Variants in ACSF3 observed in about 807,000 individuals in gnomAD.
ACSF3 encodes the protein acyl-CoA synthetase family member 3.
Under a neutral mutation model 53.2 loss-of-function variants are expected in ACSF3, and 78 were observed. The observed-to-expected ratio is 1.47, with a 90% CI of 1.22 to 1.77. The LOEUF is 1.77. Among genes scored for constraint, ACSF3 ranks in the 40% most tolerant of loss-of-function variants. The probability of loss-of-function intolerance (pLI) is 0.00; values close to 1 mark genes in which losing one functional copy is unlikely to be tolerated. For synonymous variants in ACSF3, 414 were observed against 333.1 expected (o/e 1.24, Z -2.65); for missense variants, 937 against 771.1 (o/e 1.22, Z -2.55).
chr16:89,141,386 C>A, intron 8 of ACSF3: 2 of 1,150,634 alleles, frequency 1.7e-6, no homozygotes, highest in Non-Finnish European at 2.3e-6. Context: ...TTCCAAGGGG[C>A]AAGCTCAGGG....
rs1186451258 is a variant in ACSF3 at position 89,100,781 on chromosome 16, A to G, written c.100A>G (p.Thr34Ala). The change falls in exon 3 of 11, where the codon ACA becomes GCA. Residue 34 changes from threonine (T) to alanine (A), a missense_variant. Thr to Ala is a moderately conservative substitution (Grantham distance 58, BLOSUM62 0). Coordinates refer to ENST00000614302, the MANE Select transcript of ACSF3 (RefSeq NM_001243279.3). ...ARHRGSGLLH[T>A]APVARSDRSA... is the part of the protein sequence containing the mutation. ...ACACAGAGGAAGTGGTCTTCTGCAC[A>G]CAGCCCCAGTGGCCCGCTCGGACAG... is the stretch of plus-strand genomic sequence containing the variant. 5.6e-6 allele frequency: 9 copies of G among 1,611,008 alleles called. No homozygotes were observed. The African/African-American group carries it at 9.3e-5, about 17-fold the overall frequency.
chr16:89,137,790 C>G (rs1306588389), intron 8 of ACSF3, among the ~76,000 whole-genome samples: 4 of 152,176 alleles, frequency 2.6e-5, no homozygotes, highest in African/African-American at 9.7e-5. Context: ...CCAGGTGGCC[C>G]CATCCCCCAA....
rs561826626 is a variant in ACSF3 at position 89,141,136 on chromosome 16, C to A, written c.1367-4131C>A. 2.8e-5 allele frequency: 36 copies of A among 1,287,242 alleles called. No homozygotes were observed. The South Asian group carries it at 3.8e-4, about 14-fold the overall frequency. The allele number at this position is 1,287,242 out of a possible 1,614,324, so 79.7% of individuals were successfully genotyped here. A position where few individuals can be genotyped will look rare whatever the true frequency, so the allele number is the denominator to read the frequency against. ...CTCGCTGCCGCAGGACCTCCTCCCG[C>A]GGGGTGTCCGACCCGCTCTTGCTTG... On this transcript the variant is annotated intron_variant, in intron 8 of 10. Transcript: ENST00000614302.
chr16:89,137,894 T>TG (rs1007795258), intron 8 of ACSF3, among the ~76,000 whole-genome samples: 2 of 152,098 alleles, frequency 1.3e-5, no homozygotes, highest in African/African-American at 4.8e-5. Context: ...TGAGGCGTGT[T>TG]GGGGTAGGAG....
At chr16:89,145,174 G>GT in intron 8 of ACSF3, 93 bp from the exon 9 acceptor site, 1 of 1,613,182 alleles carries the variant, frequency 6.2e-7, no homozygotes, top group Non-Finnish European at 8.5e-7. Context: ...ACACCGTGGT[G>GT]TTTAAGGACG....
intron 4 of ACSF3, 34 bp downstream of exon 4, chr16:89,102,793 C>T: frequency 6.4e-7 from 1 of 1,571,050 alleles, no homozygotes; most frequent in Admixed American, 1.8e-5. Context: ...GTTGCACCCT[C>T]AGACTAGGCG....
At chr16:89,133,377 C>G in intron 8 of ACSF3, 115 bp downstream of exon 8, 6 of 1,446,238 alleles carry the variant, frequency 4.1e-6, no homozygotes, top group Non-Finnish European at 5.7e-6. Context: ...CAGCCAAAGG[C>G]AGAAGATGGG....
chr16:89,120,963 C>T (rs890099666), intron 7 of ACSF3, 50 bp downstream of exon 7: 18 of 1,540,886 alleles, frequency 1.2e-5, no homozygotes, highest in Non-Finnish European at 1.4e-5. Flanking sequence ...CCAGTCTAGG[C>T]CCCCCAGGGT....
intron 4 of ACSF3, 150 bp from the exon 5 acceptor site, chr16:89,111,942 G>T: frequency 1.8e-6 from 1 of 544,446 alleles, no homozygotes; most frequent in Non-Finnish European, 3.2e-6. Flanking sequence ...CTGTGGGAAG[G>T]GGTCAGAGTT....
intron 8 of ACSF3, among the ~76,000 whole-genome samples, chr16:89,144,873 G>T (rs940331471): frequency 2.6e-5 from 4 of 152,222 alleles, no homozygotes; most frequent in Non-Finnish European, 5.9e-5. Flanking sequence ...CAGAAACAGG[G>T]CCTGAGCCGG....
intron 7 of ACSF3, among the ~76,000 whole-genome samples, chr16:89,126,210 T>A (rs1286816984): frequency 6.6e-6 from 1 of 152,238 alleles, no homozygotes; most frequent in Non-Finnish European, 1.5e-5. Flanking sequence ...TCCTATTTCT[T>A]CTCCTCCTTT....
chr16:89,095,085 G>C (rs1567676154), intron 1 of ACSF3: 1 of 152,286 alleles, frequency 6.6e-6, no homozygotes, highest in African/African-American at 2.4e-5. Flanking sequence ...TTGTTGAGGA[G>C]GGGGTTCACA....
intron 3 of ACSF3, 199 bp from the exon 4 acceptor site, chr16:89,102,405 G>A (rs1177540653): frequency 1.5e-6 from 1 of 657,764 alleles, no homozygotes; most frequent in African/African-American, 1.8e-5. Flanking sequence ...CCCAGGGTAA[G>A]TGAGTGACCC....
At position 89,102,595 on chromosome 16, in the gene ACSF3, C is replaced by T. The variant is rs369865917; in HGVS notation, c.667-9C>T. Reference sequence around the variant, plus strand: ...CTCTTGCTCTCAGCTGTGCTCTCGTCCCCTGCAGGTGACCGGGCTGGTCCA... The same window carrying T: ...CTCTTGCTCTCAGCTGTGCTCTCGTTCCCTGCAGGTGACCGGGCTGGTCCA... On this transcript the variant is annotated splice_polypyrimidine_tract_variant and intron_variant, in intron 3 of 10. Coordinates refer to ENST00000614302, the MANE Select transcript of ACSF3 (RefSeq NM_001243279.3). 9.8e-5 allele frequency: 158 copies of T among 1,613,316 alleles called. 2 individuals carry two copies. The highest frequency in any genetic ancestry group is 1.3e-4 in the Non-Finnish European group (148 of 1,180,016).
intron 10 of ACSF3, chr16:89,151,976 A>C (rs1459980578): frequency 1.3e-5 from 2 of 152,256 alleles, no homozygotes; most frequent in Non-Finnish European, 2.9e-5. Flanking sequence ...TGCAAATGTC[A>C]AAACCCTTTT....
chr16:89,112,283 C>T, intron 5 of ACSF3, 37 bp downstream of exon 5: 2 of 1,610,090 alleles, frequency 1.2e-6, no homozygotes, highest in African/African-American at 2.7e-5. Context: ...TTCAGAAAGT[C>T]TTAAAGATCA....
intron 8 of ACSF3, among the ~76,000 whole-genome samples, chr16:89,139,894 T>C (rs997260515): frequency 6.6e-6 from 1 of 152,122 alleles, no homozygotes; most frequent in African/African-American, 2.4e-5. Flanking sequence ...CACCCAACCA[T>C]GACCCCCTCT....
At position 89,154,914 on chromosome 16, in the gene ACSF3, C is replaced by T. The variant is rs552968363; in HGVS notation, c.*707C>T. ...CTCACCCCCCAGCGCAGGGACTTTCCAGGTCATCTCCACACCAGCCCCTCA... is the reference window on the plus strand; with the variant it reads ...CTCACCCCCCAGCGCAGGGACTTTCTAGGTCATCTCCACACCAGCCCCTCA... On this transcript the variant is annotated 3_prime_UTR_variant, in exon 11 of 11. Transcript: ENST00000614302. 6.1e-4 allele frequency: 278 copies of T among 454,056 alleles called. No homozygotes were observed. The highest frequency in any genetic ancestry group is 5.0e-3 in the African/African-American group (252 of 50,088). 28.1% of individuals were successfully genotyped at this position (454,056 alleles called of 1,614,324 possible).
At chr16:89,101,692 A>G (rs917230498) in intron 3 of ACSF3, among the ~76,000 whole-genome samples, 1 of 152,028 alleles carries the variant, frequency 6.6e-6, no homozygotes, top group Non-Finnish European at 1.5e-5. Flanking sequence ...CGTGGTCAGG[A>G]CCCCACATAC....
Sources: gnomAD v4.1 joint callset for allele counts (sites outside exome capture counted in the v4.1 genomes callset) on GRCh38, gnomAD v4.1.1 for gene constraint, MANE v1.5 for transcripts, NCBI Gene and HGNC (gene_info 2026-07-23, HGNC 2026-07-21) for gene names.